Variants in HTR1F observed in about 807,000 individuals in gnomAD.
The protein encoded by HTR1F is 5-hydroxytryptamine receptor 1F.
A neutral mutation model predicts 24.0 loss-of-function variants in HTR1F; 17 were observed. The observed-to-expected ratio is 0.71, with a 90% CI of 0.48 to 1.06. HTR1F has a LOEUF of 1.06. Ranked by LOEUF, HTR1F falls within the 50% of genes least tolerant of loss-of-function variation. HTR1F has a pLI of 0.00. For synonymous variants in HTR1F, 186 were observed against 156.8 expected (o/e 1.19, Z -1.39); for missense variants, 391 against 427.8 (o/e 0.91, Z 0.76).
chr3:87,905,546 T>C (rs1703645962), intron 2 of HTR1F, among the ~76,000 whole-genome samples: 1 of 152,110 alleles, frequency 6.6e-6, no homozygotes, highest in Non-Finnish European at 1.5e-5. Flanking sequence ...ATTGCTATCA[T>C]AACAAATTGC....
chr3:87,811,059 G>A (rs1355396884), intron 1 of HTR1F, among the ~76,000 whole-genome samples: 2 of 152,104 alleles, frequency 1.3e-5, no homozygotes, highest in Non-Finnish European at 2.9e-5. Context: ...CCTGATTTCA[G>A]ATACTTTATT....
At chr3:87,928,903 A>G (rs1242108709) in intron 2 of HTR1F, among the ~76,000 whole-genome samples, 1 of 152,168 alleles carries the variant, frequency 6.6e-6, no homozygotes, top group Admixed American at 6.6e-5. Flanking sequence ...TCAGTGAAAA[A>G]GAGCTGTCTG....
chr3:87,829,902 A>C (rs1407147736), intron 2 of HTR1F, among the ~76,000 whole-genome samples: 3 of 152,230 alleles, frequency 2.0e-5, no homozygotes, highest in Admixed American at 2.0e-4. Context: ...AATATTTGCA[A>C]CAGAAGCATG....
At chr3:87,947,749 T>C (rs1704742471) in intron 2 of HTR1F, among the ~76,000 whole-genome samples, 1 of 151,990 alleles carries the variant, frequency 6.6e-6, no homozygotes, top group African/African-American at 2.4e-5. Context: ...ACTAAAATGT[T>C]TGACACAAAG....
In HTR1F at chr3:87,845,338, A is replaced by C. The variant is rs1432568073; in HGVS notation, c.-43+23214A>C. 2.5e-4 allele frequency among the ~76,000 whole-genome samples: 38 copies of C among 151,192 alleles called. 2 individuals are homozygous for C. The highest frequency in any genetic ancestry group is 5.0e-4 in the Non-Finnish European group (34 of 67,878). ...TGATTGTATATCTAGAAAACCCCAT[A>C]GTCTCAGCCCAAAATCTCCTTAAGC... On this transcript the variant is annotated intron_variant, in intron 2 of 2. Transcript: ENST00000319595.
chr3:87,934,828 A>G (rs887175101), intron 2 of HTR1F, among the ~76,000 whole-genome samples: 5 of 152,204 alleles, frequency 3.3e-5, no homozygotes, highest in African/African-American at 1.2e-4. Context: ...TGCATTAAAA[A>G]TTCAGAATGT....
intron 2 of HTR1F, among the ~76,000 whole-genome samples, chr3:87,972,958 G>T (rs1258200061): frequency 6.7e-6 from 1 of 150,194 alleles, no homozygotes; most frequent in Non-Finnish European, 1.5e-5. Context: ...ATCACCTGAG[G>T]TTAGGAGTTC....
At chr3:87,793,166 C>T (rs1300372237) in intron 1 of HTR1F, 1 of 152,494 alleles carries the variant, frequency 6.6e-6, no homozygotes, top group Non-Finnish European at 1.5e-5. Context: ...GGTGGCGGTC[C>T]AAGCCGGCGA....
chr3:87,877,554 A>G (rs1162537901), intron 2 of HTR1F, among the ~76,000 whole-genome samples: 1 of 152,182 alleles, frequency 6.6e-6, no homozygotes, highest in African/African-American at 2.4e-5. Context: ...TATGCATTAT[A>G]GCTTTATATC....
chr3:87,937,656 G>C (rs1704457412), intron 2 of HTR1F, among the ~76,000 whole-genome samples: 1 of 152,144 alleles, frequency 6.6e-6, no homozygotes, highest in South Asian at 2.1e-4. Context: ...AGGCGCAGTG[G>C]CTCACGCCTG....
At chr3:87,889,274 A>G (rs1056771426) in intron 2 of HTR1F, among the ~76,000 whole-genome samples, 7 of 152,186 alleles carry the variant, frequency 4.6e-5, no homozygotes, top group South Asian at 2.1e-4. Context: ...ACCCAGCCTC[A>G]TGTATTCCTT....
rs1212785893 is a variant in HTR1F at position 87,991,619 on chromosome 3, A to C, written c.870A>C (p.Lys290Asn). The change falls in exon 3 of 3, where the codon AAA (lysine) becomes AAC (asparagine). Residue 290 changes from lysine (K) to asparagine (N), a missense_variant. Transcript: ENST00000319595. ...AGATCTCAGGTACAAGAGAACGGAA[A>C]GCAGCCACTACCCTGGGATTAATCT... ...RQKISGTRER[K>N]AATTLGLILG... The C allele has an allele frequency of 6.2e-7, 1 of 1,613,944 alleles. No homozygotes were observed. Among genetic ancestry groups the C allele is most frequent in the South Asian group, 1.1e-5 (1 of 91,048 alleles).
At chr3:87,917,653 C>G (rs1175918359) in intron 2 of HTR1F, among the ~76,000 whole-genome samples, 1 of 151,604 alleles carries the variant, frequency 6.6e-6, no homozygotes, top group East Asian at 1.9e-4. Flanking sequence ...ACCTTCTTAG[C>G]TTAAATCAGG....
chr3:87,861,236 G>A (rs528851017), intron 2 of HTR1F, among the ~76,000 whole-genome samples: 12 of 152,040 alleles, frequency 7.9e-5, no homozygotes, highest in East Asian at 7.7e-4. Flanking sequence ...TTTGTTCATC[G>A]GTAAAAAGTT....
chr3:87,825,721 T>C (rs1189985720), intron 2 of HTR1F, among the ~76,000 whole-genome samples: 7 of 152,146 alleles, frequency 4.6e-5, no homozygotes, highest in Non-Finnish European at 7.4e-5. Context: ...CATAAAACCA[T>C]AGAGGAATTA....
At chr3:87,850,852 A>C (rs986715652) in intron 2 of HTR1F, among the ~76,000 whole-genome samples, 1 of 151,132 alleles carries the variant, frequency 6.6e-6, no homozygotes, top group Non-Finnish European at 1.5e-5. Flanking sequence ...ACCAAAACTA[A>C]TGCTAGCAAC....
chr3:87,970,709 C>T (rs1229939384), intron 2 of HTR1F, among the ~76,000 whole-genome samples: 2 of 152,158 alleles, frequency 1.3e-5, no homozygotes, highest in Non-Finnish European at 2.9e-5. Flanking sequence ...GGATTCCTTC[C>T]CTTATAATCT....
chr3:87,797,609 C>T (rs1308211152), intron 1 of HTR1F, among the ~76,000 whole-genome samples: 2 of 151,354 alleles, frequency 1.3e-5, no homozygotes, highest in African/African-American at 4.9e-5. Context: ...GAATCACGTG[C>T]ACATAGATTA....
chr3:87,991,032 G>T lies in HTR1F; in HGVS notation c.283G>T (p.Val95Phe), dbSNP rs759494527. 3 of 1,613,956 alleles carry T rather than the reference G, an allele frequency of 1.9e-6. No homozygotes were observed. The highest frequency in any genetic ancestry group is 2.2e-5 in the East Asian group (1 of 44,900). ...VRESWIMGQV[V>F]CDIWLSVDIT... ...AGAGAGCTGGATTATGGGGCAAGTG[G>T]TCTGTGACATTTGGCTGAGTGTTGA... Residue 95 changes from valine to phenylalanine, a missense_variant, in exon 3 of 3, where the codon GTC becomes TTC. Transcript: ENST00000319595.
Sources: allele counts gnomAD v4.1 joint callset (sites outside exome capture counted in the v4.1 genomes callset), GRCh38; gene constraint gnomAD v4.1.1; transcripts MANE v1.5; gene names NCBI Gene and HGNC (gene_info 2026-07-23, HGNC 2026-07-21).